Variants in ARHGEF28 observed in about 807,000 individuals in gnomAD.
ARHGEF28 encodes Rho guanine nucleotide exchange factor 28, also known as 190 kDa guanine nucleotide exchange factor.
A neutral mutation model predicts 206.6 loss-of-function variants in ARHGEF28; 152 were observed. The observed-to-expected ratio is 0.74, with a 90% confidence interval of 0.64 to 0.84. The LOEUF (loss-of-function observed/expected upper bound fraction) is 0.84, where lower values mean the gene tolerates loss of function less well. Ranked by LOEUF, ARHGEF28 falls within the 40% of genes least tolerant of loss-of-function variation. ARHGEF28 has a pLI of 0.00. For synonymous variants in ARHGEF28, 763 were observed against 776.4 expected, an observed-to-expected ratio of 0.98 and a Z score of 0.29; for missense variants, 2,028 against 2,073.2, an observed-to-expected ratio of 0.98 and a Z score of 0.42.
chr5:73,915,498 A>G (rs1763159188), intron 35 of ARHGEF28, among the ~76,000 whole-genome samples: 1 of 152,172 alleles, frequency 6.6e-6, no homozygotes, highest in South Asian at 2.1e-4. Context: ...TGGCTTAAGA[A>G]CTTTTTCTGT....
At chr5:73,810,666 C>T (rs1404995155) in intron 9 of ARHGEF28, among the ~76,000 whole-genome samples, 1 of 152,136 alleles carries the variant, frequency 6.6e-6, no homozygotes, top group Non-Finnish European at 1.5e-5. Context: ...GGGCCACCCT[C>T]AGAGAGATTG....
intron 9 of ARHGEF28, among the ~76,000 whole-genome samples, chr5:73,811,249 C>T (rs1327461855): frequency 1.3e-5 from 2 of 152,234 alleles, no homozygotes; most frequent in African/African-American, 4.8e-5. Context: ...CCTATGCACA[C>T]TCCCATCATT....
rs12657393 is a variant in ARHGEF28, at chr5:73,907,520, A to G, written c.4162-1892A>G. Among the ~76,000 whole-genome samples the G allele has an allele frequency of 3.8e-3, 580 of 152,318 alleles. 25 individuals carry two copies. The East Asian group carries it at 0.099, about 26-fold the overall frequency. ...AAGCTGAATGTCTTATATGTGACTGAAGTTTTTACATAAACAATTTTGAAT... is the reference window on the plus strand; with the variant it reads ...AAGCTGAATGTCTTATATGTGACTGGAGTTTTTACATAAACAATTTTGAAT... On this transcript the variant is annotated intron_variant, in intron 33 of 35. Coordinates refer to ENST00000513042, the MANE Select transcript of ARHGEF28 (RefSeq NM_001177693.2).
At chr5:73,632,628 A>G (rs1156710852) in intron 1 of ARHGEF28, among the ~76,000 whole-genome samples, 4 of 152,224 alleles carry the variant, frequency 2.6e-5, no homozygotes, top group African/African-American at 7.2e-5. Context: ...AATTAATTAT[A>G]TATCCTACCT....
intron 2 of ARHGEF28, among the ~76,000 whole-genome samples, chr5:73,732,602 TCTA>T (rs1355320394): frequency 6.6e-6 from 1 of 152,202 alleles, no homozygotes; most frequent in East Asian, 1.9e-4. Context: ...TGAGGGTTAT[TCTA>T]CTATTTTTAA....
rs756673740 is a variant in ARHGEF28, at chr5:73,773,974, G to A, written c.595G>A (p.Gly199Ser). 1.9e-6 allele frequency: 3 copies of A among 1,606,930 alleles called. No individual in the cohort carries two copies. In the East Asian group the frequency reaches 6.7e-5, roughly 36 times the overall value. The change falls in exon 5 of 36, where the codon GGT (glycine) becomes AGT (serine). Residue 199 changes from glycine (G) to serine (S), a missense_variant. By Grantham distance (56) the Gly-to-Ser change is moderately conservative (BLOSUM62 0). Around this residue, in one of 3 missense-constraint regions of ARHGEF28, gnomAD observed 1,002 missense variants for 1,015.3 expected, o/e 0.99. Coordinates refer to ENST00000513042, the MANE Select transcript of ARHGEF28 (RefSeq NM_001177693.2). ...VQALALPNEE[G>S]ATPLDLALRE... ...GGCCTTGGCTTTACCCAACGAAGAG[G>A]GTGCCACACCATTAGACTTAGCTTT... is the stretch of plus-strand genomic sequence containing the variant.
At chr5:73,666,416 GTCATGAC>G (rs1745958308) in intron 1 of ARHGEF28, among the ~76,000 whole-genome samples, 2 of 152,178 alleles carry the variant, frequency 1.3e-5, no homozygotes, top group African/African-American at 4.8e-5. Context: ...TTGCCTCACT[GTCATGAC>G]TCTACTCGGA....
At chr5:73,729,703 A>G (rs1442858201) in intron 2 of ARHGEF28, among the ~76,000 whole-genome samples, 1 of 145,954 alleles carries the variant, frequency 6.9e-6, no homozygotes, top group Non-Finnish European at 1.5e-5. Context: ...GGAGGCAGAT[A>G]CATATCTTTC....
At chr5:73,857,837 GT>G in intron 15 of ARHGEF28, 58 bp downstream of exon 15, 1 of 1,536,424 alleles carries the variant, frequency 6.5e-7, no homozygotes. Flanking sequence ...TTTCTCAGCA[GT>G]TAGTATAATT....
intron 9 of ARHGEF28, among the ~76,000 whole-genome samples, chr5:73,797,366 G>A (rs1171789117): frequency 1.3e-5 from 2 of 152,152 alleles, no homozygotes; most frequent in African/African-American, 4.8e-5. Context: ...GCTCTCCCTG[G>A]AGGCCACTTC....
chr5:73,698,747 G>T (rs1055274035), intron 2 of ARHGEF28, among the ~76,000 whole-genome samples: 3 of 152,082 alleles, frequency 2.0e-5, no homozygotes, highest in African/African-American at 7.2e-5. Context: ...GAAGCCACAG[G>T]AGAGGCAAAT....
chr5:73,894,364 A>T (rs1486831888), intron 28 of ARHGEF28, 29 bp from the exon 29 acceptor site: 9 of 1,555,884 alleles, frequency 5.8e-6, no homozygotes, highest in Non-Finnish European at 7.9e-6. Context: ...TGTTAGTGAT[A>T]ATCTTCTATG....
intron 9 of ARHGEF28, among the ~76,000 whole-genome samples, chr5:73,822,808 G>C (rs763262728): frequency 3.3e-5 from 5 of 152,004 alleles, no homozygotes; most frequent in Non-Finnish European, 7.4e-5. Flanking sequence ...CATTTTTTTT[G>C]TAGAAACAAG....
chr5:73,854,573 G>C (rs1316388417), intron 14 of ARHGEF28, among the ~76,000 whole-genome samples: 1 of 152,186 alleles, frequency 6.6e-6, no homozygotes, highest in African/African-American at 2.4e-5. Flanking sequence ...GCTCATGCCT[G>C]TAATCCCAGC....
intron 2 of ARHGEF28, among the ~76,000 whole-genome samples, chr5:73,696,059 G>A (rs536502419): frequency 2.2e-4 from 33 of 152,212 alleles, no homozygotes; most frequent in African/African-American, 7.7e-4. Context: ...TCTCCTGAAC[G>A]CAGATTGTTA....
chr5:73,849,158 C>A (rs1438137721), intron 13 of ARHGEF28, 71 bp downstream of exon 13: 1 of 1,088,828 alleles, frequency 9.2e-7, no homozygotes, highest in South Asian at 1.5e-5. Context: ...AGTATAAGTA[C>A]ATAAAATATT....
At chr5:73,651,865 A>G (rs1561309890) in intron 1 of ARHGEF28, among the ~76,000 whole-genome samples, 2 of 152,122 alleles carry the variant, frequency 1.3e-5, no homozygotes, top group South Asian at 2.1e-4. Context: ...TGTTTTAACT[A>G]TGGTTGTCAA....
chr5:73,887,471 C>A, intron 25 of ARHGEF28, 132 bp from the exon 26 acceptor site: 2 of 659,282 alleles, frequency 3.0e-6, no homozygotes, highest in Non-Finnish European at 5.0e-6. Context: ...TAGCATATAT[C>A]TTTGGCTATC....
chr5:73,845,706 T>C (rs79111659), intron 11 of ARHGEF28, among the ~76,000 whole-genome samples: 6,756 of 152,170 alleles, frequency 0.044, 209 homozygotes, highest in African/African-American at 0.076. Context: ...ATTTGAAATG[T>C]CTTTTGCCCC....
Sources: gnomAD v4.1 joint callset for allele counts (sites outside exome capture counted in the v4.1 genomes callset) on GRCh38, gnomAD v4.1.1 for gene constraint, gnomAD v4.1.1 regional missense constraint, MANE v1.5 for transcripts, NCBI Gene and HGNC (gene_info 2026-07-23, HGNC 2026-07-21) for gene names.